Variants in TMEM205 observed in about 807,000 individuals in gnomAD.
TMEM205 encodes the protein MBC3205.
A neutral mutation model predicts 17.9 loss-of-function variants in TMEM205; 11 were observed. That is an observed-to-expected ratio of 0.61 (90% CI 0.39 to 1.02). The LOEUF (loss-of-function observed/expected upper bound fraction) is 1.02. Among genes scored for constraint, TMEM205 ranks in the 50% least tolerant of loss-of-function variants. The pLI, the probability that TMEM205 is intolerant of heterozygous loss-of-function variation, is 0.01. For synonymous variants in TMEM205, 86 were observed against 97.4 expected (o/e 0.88, Z 0.69); for missense variants, 236 against 239.4 (o/e 0.99, Z 0.09).
intron 2 of TMEM205, among the ~76,000 whole-genome samples, chr19:11,344,165 G>A (rs557205468): frequency 1.8e-4 from 28 of 151,592 alleles, no homozygotes; most frequent in Middle Eastern, 3.4e-3. Context: ...GGATGGTCTC[G>A]CGCTCCTGAC....
intron 2 of TMEM205, 162 bp downstream of exon 2, chr19:11,345,090 T>G: frequency 1.5e-6 from 1 of 669,624 alleles, no homozygotes; most frequent in Non-Finnish European, 2.4e-6. Context: ...ACTCCTGACC[T>G]CGTGATCCGC....
rs1286940939 is a variant in TMEM205 at position 11,343,016 on chromosome 19, C to A, written c.369G>T (p.Glu123Asp). The A allele has an allele frequency of 1.2e-6, 2 of 1,614,182 alleles. No individual in the cohort carries two copies. The highest frequency in any genetic ancestry group is 1.3e-5 in the African/African-American group (1 of 75,040). The change falls in exon 3 of 3, where the codon GAG becomes GAT. Residue 123 changes from glutamate to aspartate, a missense_variant. Glu to Asp is a conservative substitution (Grantham distance 45). Transcript: ENST00000354882. ...AMWALQTVEK[E>D]RGLGGEVPGS... The stretch of plus-strand genomic sequence containing the variant: ...CTGGTACCTCCCCACCCAGGCCTCG[C>A]TCCTTCTCCACGGTTTGCAGGGCCC...
intron 2 of TMEM205, among the ~76,000 whole-genome samples, chr19:11,344,034 T>C (rs1029666891): frequency 1.4e-5 from 2 of 145,082 alleles, no homozygotes; most frequent in African/African-American, 5.2e-5. Flanking sequence ...AATCTCCGCC[T>C]CCTGGGTTCA....
chr19:11,345,211 G>A (rs777141841), intron 2 of TMEM205, 41 bp downstream of exon 2: 2 of 1,608,508 alleles, frequency 1.2e-6, no homozygotes, highest in East Asian at 2.2e-5. Context: ...GAGGTCCTGG[G>A]AACAAGTCTC....
chr19:11,343,224 A>G, intron 2 of TMEM205, 104 bp from the exon 3 acceptor site: 1 of 1,213,240 alleles, frequency 8.2e-7, no homozygotes, highest in Non-Finnish European at 1.1e-6. Context: ...GGGGGTGGGG[A>G]CAGCACTGGA....
Position 11,342,815 on chromosome 19 carries a change from C to G in TMEM205, c.570G>C (p.Ter190TyrextTer?). Residue 190 changes from the stop codon to tyrosine, a stop_lost, in exon 3 of 3, where the codon TAG (stop) becomes TAC (tyrosine). Transcript: ENST00000354882. ...AGLALEIRSL[*>Y] The stretch of plus-strand genomic sequence containing the variant: ...CATTTATTAGCATGCAGGGCCCATG[C>G]TAGAGGCTCCTTATTTCCAGGGCAA... 1.2e-6 allele frequency: 2 copies of G among 1,612,864 alleles called. No individual in the cohort carries two copies. Among genetic ancestry groups the G allele is most frequent in the Non-Finnish European group, 8.5e-7 (1 of 1,179,216 alleles).
chr19:11,345,482 C>T, intron 1 of TMEM205, 38 bp downstream of exon 1: 3 of 1,614,004 alleles, frequency 1.9e-6, no homozygotes, highest in Non-Finnish European at 2.5e-6. Flanking sequence ...TCCATCCCCA[C>T]CCCAGGTACC....
intron 2 of TMEM205, among the ~76,000 whole-genome samples, chr19:11,344,452 C>T (rs978796394): frequency 2.0e-5 from 3 of 152,240 alleles, no homozygotes; most frequent in East Asian, 1.9e-4. Context: ...GTCTCACTTA[C>T]CCACGTCTAT....
At chr19:11,343,208 A>C in intron 2 of TMEM205, 88 bp from the exon 3 acceptor site, 368 of 502,828 alleles carry the variant, frequency 7.3e-4, no homozygotes, top group Middle Eastern at 2.8e-3. Flanking sequence ...TCAACAGCAC[A>C]GGGGTGGGGG....
At chr19:11,343,935 C>A (rs552069231) in intron 2 of TMEM205, among the ~76,000 whole-genome samples, 2 of 150,196 alleles carry the variant, frequency 1.3e-5, no homozygotes, top group African/African-American at 5.0e-5. Flanking sequence ...AGCAAAGACC[C>A]TCATCTTTTT....
rs914830725 is a variant in TMEM205 at position 11,343,356 on chromosome 19, TC to T, written c.265-237del. ...AAAGGCTCCATCCCCACCTCCTCTA[TC>T]CCCCCGCAAAACCTCCCGAGCCTCT... On this transcript the variant is annotated intron_variant, in intron 2 of 2. Transcript: ENST00000354882. Among the ~76,000 whole-genome samples, 163 of 151,832 alleles carry T rather than the reference TC, an allele frequency of 1.1e-3. 1 individual carries two copies. Among genetic ancestry groups the T allele is most frequent in the Middle Eastern group, 3.4e-3 (1 of 294 alleles).
chr19:11,342,869 G>A lies in TMEM205; in HGVS notation c.516C>T (p.Val172=). 1.9e-6 allele frequency: 3 copies of A among 1,614,228 alleles called. No homozygotes were observed. Among genetic ancestry groups the A allele is most frequent in the Middle Eastern group, 1.6e-4 (1 of 6,062 alleles). ...GLSSLCNLGC[V]LSNGLCLAGL... is the part of the protein sequence containing the mutation. Reference sequence around the variant, plus strand: ...CAGCGAGACAGAGCCCATTGCTCAGGACGCAGCCCAGATTGCAAAGAGAGG... The same window carrying A: ...CAGCGAGACAGAGCCCATTGCTCAGAACGCAGCCCAGATTGCAAAGAGAGG... The change falls in exon 3 of 3, where the codon GTC becomes GTT. Residue 172 remains valine, a synonymous_variant. Transcript: ENST00000354882.
chr19:11,343,028 G>A lies in TMEM205; in HGVS notation c.357C>T (p.Thr119=), dbSNP rs779687133. Reference sequence around the variant, plus strand: ...CACCCAGGCCTCGCTCCTTCTCCACGGTTTGCAGGGCCCACATGGCAGCTG... The same window carrying A: ...CACCCAGGCCTCGCTCCTTCTCCACAGTTTGCAGGGCCCACATGGCAGCTG... ...RTTAAMWALQ[T]VEKERGLGGE... The change falls in exon 3 of 3, where the codon ACC becomes ACT. Residue 119 remains threonine (T), a synonymous_variant. Coordinates refer to ENST00000354882, the MANE Select transcript of TMEM205 (RefSeq NM_198536.3). The A allele has an allele frequency of 1.1e-5, 17 of 1,614,008 alleles. No homozygotes were observed. The highest frequency in any genetic ancestry group is 2.2e-5 in the East Asian group (1 of 44,892).
At position 11,345,639 on chromosome 19, in the gene TMEM205, G is replaced by A. The variant is rs1321218404; in HGVS notation, c.-20C>T. ...CTCCATCTTGCAGTCCTGGGAAGGA[G>A]GCACCGGGTGGCTCAGAACTTTACC... On this transcript the variant is annotated 5_prime_UTR_variant, in exon 1 of 3. Transcript: ENST00000354882. 2 of 1,613,462 alleles carry A rather than the reference G, an allele frequency of 1.2e-6. No individual in the cohort carries two copies. Among genetic ancestry groups the A allele is most frequent in the South Asian group, 2.2e-5 (2 of 91,026 alleles).
At position 11,345,677 on chromosome 19, in the gene TMEM205, G is replaced by T; in HGVS notation, c.-58C>A. On this transcript the variant is annotated 5_prime_UTR_variant, in exon 1 of 3. Transcript: ENST00000354882. ...TCAGAACTTTACCTTTGCCTCATGC[G>T]TGGCCTTCAGACCCTGTGAGCCCGC... is the stretch of plus-strand genomic sequence containing the variant. The T allele has an allele frequency of 1.2e-6, 2 of 1,605,014 alleles. No individual in the cohort carries two copies. Among genetic ancestry groups the T allele is most frequent in the Non-Finnish European group, 1.7e-6 (2 of 1,175,974 alleles).
chr19:11,345,164 T>TC (rs905156209), intron 2 of TMEM205, 88 bp downstream of exon 2: 72 of 1,398,400 alleles, frequency 5.1e-5, no homozygotes, highest in Middle Eastern at 2.3e-4. Context: ...CCTTTTTTTT[T>TC]CCCCCCCTGG....
At position 11,342,861 on chromosome 19, in the gene TMEM205, T is replaced by C. The variant is rs563537952; in HGVS notation, c.524A>G (p.Asn175Ser). The C allele has an allele frequency of 1.5e-5, 25 of 1,614,182 alleles. No individual in the cohort carries two copies. In the South Asian group the frequency reaches 1.8e-4, roughly 11 times the overall value. Residue 175 changes from asparagine to serine, a missense_variant, in exon 3 of 3, where the codon AAT becomes AGT. Asn to Ser is a conservative substitution (Grantham distance 46). Coordinates refer to ENST00000354882, the MANE Select transcript of TMEM205 (RefSeq NM_198536.3). ...SLCNLGCVLS[N>S]GLCLAGLALE... ...GGCAAGGCCAGCGAGACAGAGCCCA[T>C]TGCTCAGGACGCAGCCCAGATTGCA...
At position 11,346,261 on chromosome 19, in the gene TMEM205, T is replaced by A; in HGVS notation, c.-642A>T. On this transcript the variant is annotated 5_prime_UTR_variant, in exon 1 of 3. Transcript: ENST00000354882. ...GACCCTCCTCGGCCGCGTCCCCTCG[T>A]GGGTTTCCCCCAACCAATAATTCGT... 2.6e-6 allele frequency: 1 copy of A among 383,066 alleles called. No individual in the cohort carries two copies. Among genetic ancestry groups the A allele is most frequent in the South Asian group, 2.8e-5 (1 of 36,216 alleles). The allele number at this position is 383,066 out of a possible 1,614,324, so 23.7% of individuals were successfully genotyped here.
rs1161505162 is a variant in TMEM205 at position 11,345,572 on chromosome 19, T to C, written c.48A>G (p.Leu16=). ...NLGGLIKMVH[L]LVLSGAWGMQ... Reference sequence around the variant, plus strand: ...TGCCCCAGGCACCTGACAAGACCAGTAGATGGACCATCTTAATCAGGCCTC... The same window carrying C: ...TGCCCCAGGCACCTGACAAGACCAGCAGATGGACCATCTTAATCAGGCCTC... Residue 16 remains leucine, a synonymous_variant, in exon 1 of 3, where the codon CTA becomes CTG. Coordinates refer to ENST00000354882, the MANE Select transcript of TMEM205 (RefSeq NM_198536.3). 2 of 1,614,090 alleles carry C rather than the reference T, an allele frequency of 1.2e-6. No individual in the cohort carries two copies. Among genetic ancestry groups the C allele is most frequent in the Non-Finnish European group, 1.7e-6 (2 of 1,179,996 alleles).
Sources: gnomAD v4.1 joint callset for allele counts (sites outside exome capture counted in the v4.1 genomes callset) on GRCh38, gnomAD v4.1.1 for gene constraint, MANE v1.5 for transcripts, NCBI Gene and HGNC (gene_info 2026-07-23, HGNC 2026-07-21) for gene names.